Variants in HCN1 observed in about 807,000 individuals in gnomAD.
The protein encoded by HCN1 is hyperpolarization activated cyclic nucleotide gated potassium channel 1.
HCN1 carries 13 observed loss-of-function variants against 78.9 expected under a neutral mutation model. The observed-to-expected ratio is 0.16, with a 90% CI of 0.11 to 0.26. The LOEUF (loss-of-function observed/expected upper bound fraction) is 0.26. HCN1 is among the 10% of genes least tolerant of loss of function. HCN1 has a pLI of 1.00. For missense variants in HCN1, 810 were observed against 1,154.3 expected (o/e 0.70, Z 4.32); for synonymous variants, 552 against 455.5 (o/e 1.21, Z -2.70).
At chr5:45,324,275 C>T (rs1169009236) in intron 5 of HCN1, among the ~76,000 whole-genome samples, 1 of 151,918 alleles carries the variant, frequency 6.6e-6, no homozygotes, top group African/African-American at 2.4e-5. Context: ...GGGCTAATAT[C>T]CAGAATCTAC....
intron 1 of HCN1, among the ~76,000 whole-genome samples, chr5:45,658,820 C>G: frequency 6.6e-6 from 1 of 151,696 alleles, no homozygotes; most frequent in African/African-American, 2.4e-5. Flanking sequence ...CGGAATCTCG[C>G]TGATTGCTAG....
chr5:45,408,357 C>A (rs914474420), intron 3 of HCN1, among the ~76,000 whole-genome samples: 1 of 151,980 alleles, frequency 6.6e-6, no homozygotes, highest in Non-Finnish European at 1.5e-5. Flanking sequence ...CACTGTTATA[C>A]CCTTTTATTT....
At chr5:45,607,926 G>C (rs2111973838) in intron 2 of HCN1, among the ~76,000 whole-genome samples, 1 of 151,748 alleles carries the variant, frequency 6.6e-6, no homozygotes, top group South Asian at 2.1e-4. Context: ...TGGTCATAAA[G>C]AAACAAAACT....
At chr5:45,350,941 C>T (rs1370789939) in intron 5 of HCN1, among the ~76,000 whole-genome samples, 1 of 152,056 alleles carries the variant, frequency 6.6e-6, no homozygotes, top group Non-Finnish European at 1.5e-5. Flanking sequence ...GTGAAAATGG[C>T]CATACTGCCC....
chr5:45,666,863 G>T (rs1489015431), intron 1 of HCN1, among the ~76,000 whole-genome samples: 2 of 151,884 alleles, frequency 1.3e-5, no homozygotes, highest in East Asian at 3.9e-4. Flanking sequence ...TTTATTGTTT[G>T]GGGCACCTCA....
At chr5:45,348,074 A>G (rs1746789189) in intron 5 of HCN1, among the ~76,000 whole-genome samples, 1 of 152,174 alleles carries the variant, frequency 6.6e-6, no homozygotes, top group Admixed American at 6.5e-5. Flanking sequence ...CAGATTCACC[A>G]AAGTTGAAAT....
chr5:45,568,597 C>T (rs755630163), intron 2 of HCN1, among the ~76,000 whole-genome samples: 1 of 151,764 alleles, frequency 6.6e-6, no homozygotes, highest in Non-Finnish European at 1.5e-5. Flanking sequence ...ATGTTAATGA[C>T]TGTTATTATT....
intron 2 of HCN1, among the ~76,000 whole-genome samples, chr5:45,622,154 C>T (rs986119711): frequency 4.0e-5 from 6 of 151,768 alleles, no homozygotes; most frequent in African/African-American, 1.4e-4. Context: ...CCCAGGAGGC[C>T]GAGATCGCGC....
At chr5:45,388,059 G>T (rs1364172432) in intron 4 of HCN1, among the ~76,000 whole-genome samples, 3 of 152,094 alleles carry the variant, frequency 2.0e-5, no homozygotes, top group African/African-American at 4.8e-5. Context: ...AAGTCTCAGT[G>T]GTTCTCCATT....
intron 5 of HCN1, among the ~76,000 whole-genome samples, chr5:45,323,598 G>A (rs145442781): frequency 2.2e-4 from 34 of 151,904 alleles, no homozygotes; most frequent in African/African-American, 6.8e-4. Flanking sequence ...AAGTTTTACA[G>A]TACATATGCA....
chr5:45,373,300 TTATATAC>T (rs955209723), intron 4 of HCN1, among the ~76,000 whole-genome samples: 4 of 117,530 alleles, frequency 3.4e-5, no homozygotes, highest in Non-Finnish European at 6.5e-5. Flanking sequence ...TATATATATT[TTATATAC>T]TATATATAAA....
intron 2 of HCN1, among the ~76,000 whole-genome samples, chr5:45,633,210 T>C (rs868566432): frequency 7.2e-5 from 11 of 152,030 alleles, no homozygotes; most frequent in African/African-American, 2.4e-4. Flanking sequence ...CTTTCAAAAA[T>C]GTGTATGATT....
At chr5:45,405,579 T>G (rs1178125262) in intron 3 of HCN1, among the ~76,000 whole-genome samples, 1 of 152,100 alleles carries the variant, frequency 6.6e-6, no homozygotes, top group Non-Finnish European at 1.5e-5. Context: ...AGCTTATGTT[T>G]AAAATTTTTA....
At chr5:45,314,335 C>T (rs936360412) in intron 5 of HCN1, among the ~76,000 whole-genome samples, 1 of 152,122 alleles carries the variant, frequency 6.6e-6, no homozygotes, top group Non-Finnish European at 1.5e-5. Context: ...CACCACCAGG[C>T]CTGCCCTACA....
At chr5:45,584,104 G>C (rs564583160) in intron 2 of HCN1, among the ~76,000 whole-genome samples, 9 of 151,446 alleles carry the variant, frequency 5.9e-5, no homozygotes, top group Admixed American at 4.0e-4. Flanking sequence ...CTGTCTCGTT[G>C]ATCTGTTTAA....
chr5:45,362,154 T>TTGTGTGTG (rs200176463), intron 4 of HCN1, among the ~76,000 whole-genome samples: 1 of 142,558 alleles, frequency 7.0e-6, no homozygotes, highest in African/African-American at 2.5e-5. Flanking sequence ...GTGTGTGTGT[T>TTGTGTGTG]TGTGTGTGTG....
chr5:45,459,384 A>T (rs1449979734), intron 3 of HCN1, among the ~76,000 whole-genome samples: 4 of 151,100 alleles, frequency 2.6e-5, no homozygotes, highest in Non-Finnish European at 5.9e-5. Context: ...AACCAACTTC[A>T]TATGTAAATC....
intron 3 of HCN1, among the ~76,000 whole-genome samples, chr5:45,446,050 C>T (rs10074084): frequency 0.25 from 37,994 of 151,876 alleles, 4,924 homozygotes; most frequent in East Asian, 0.32. Flanking sequence ...ATGACTTTGA[C>T]GAGTTGAGAG....
chr5:45,527,532 TTCTC>T (rs948573750), intron 2 of HCN1, among the ~76,000 whole-genome samples: 1 of 151,508 alleles, frequency 6.6e-6, no homozygotes, highest in Non-Finnish European at 1.5e-5. Flanking sequence ...ATCATTCTCA[TTCTC>T]TCTCTCTTTT....
Sources: gnomAD v4.1 joint callset for allele counts (sites outside exome capture counted in the v4.1 genomes callset) on GRCh38, gnomAD v4.1.1 for gene constraint, MANE v1.5 for transcripts, NCBI Gene and HGNC (gene_info 2026-07-23, HGNC 2026-07-21) for gene names.